The following RETREG2 variants were observed in gnomAD, a reference collection of about 807,000 sequenced individuals.
RETREG2 encodes the protein reticulophagy regulator family member 2, also known as reticulophagy regulator 2.
In RETREG2, 21 loss-of-function variants were observed where a neutral mutation model predicts 51.6. The observed-to-expected ratio is 0.41, with a 90% confidence interval of 0.29 to 0.59. The LOEUF (loss-of-function observed/expected upper bound fraction) is 0.59. RETREG2 is among the 20% of genes least tolerant of loss of function. The pLI is 0.34. For synonymous variants in RETREG2, 339 were observed against 288.6 expected (o/e 1.17, Z -1.77); for missense variants, 674 against 646.0 (o/e 1.04, Z -0.47).
chr2:219,183,128 GCTC>G lies in RETREG2; in HGVS notation c.*505_*507del, dbSNP rs1250842403. 1.8e-5 allele frequency: 3 copies of G among 165,738 alleles called. No homozygotes were observed. The highest frequency in any genetic ancestry group is 1.4e-4 in the South Asian group (1 of 6,920). The allele number at this position is 165,738 out of a possible 1,614,324, so 10.3% of individuals were successfully genotyped here. ...AGCAGCTCAACCCCATCCTTTGCCAGCTCCTCCTATCCCGTGGGCACTGGCCAA... is the reference window on the plus strand; with the variant it reads ...AGCAGCTCAACCCCATCCTTTGCCAGCTCCTATCCCGTGGGCACTGGCCAA... On this transcript the variant is annotated 3_prime_UTR_variant, in exon 9 of 9. Transcript: ENST00000430297.
At chr2:219,180,469 CA>C (rs748081247) in intron 4 of RETREG2, among the ~76,000 whole-genome samples, 200 bp from the exon 5 acceptor site, 9 of 152,210 alleles carry the variant, frequency 5.9e-5, no homozygotes, top group Non-Finnish European at 1.0e-4. Flanking sequence ...CAAGGCAGAC[CA>C]GTGTGAATTA....
In RETREG2 at chr2:219,182,188, C is replaced by T. The variant is rs762582427; in HGVS notation, c.1191C>T (p.Thr397=). 1 of 1,614,040 alleles carries T rather than the reference C, an allele frequency of 6.2e-7. No homozygotes were observed. The highest frequency in any genetic ancestry group is 2.2e-5 in the East Asian group (1 of 44,896). Residue 397 remains threonine, a synonymous_variant, in exon 9 of 9, where the codon ACC becomes ACT. Coordinates refer to ENST00000430297, the MANE Select transcript of RETREG2 (RefSeq NM_024293.6). The part of the protein sequence containing the change: ...EEEEDVAAKE[T]LLRLSSPLHF... ...AAGAGGATGTGGCAGCTAAGGAAACCTTGTTGCGGCTCTCATCCCCCCTCC... is the reference window on the plus strand; with the variant it reads ...AAGAGGATGTGGCAGCTAAGGAAACTTTGTTGCGGCTCTCATCCCCCCTCC...
intron 5 of RETREG2, 23 bp from the exon 6 acceptor site, chr2:219,181,037 CTT>C: frequency 6.2e-7 from 1 of 1,612,394 alleles, no homozygotes; most frequent in South Asian, 1.1e-5. Flanking sequence ...GTAGGGAGCT[CTT>C]AGTTCACGTT....
rs750351015 is a variant in RETREG2 at position 219,180,680 on chromosome 2, G to T, written c.566G>T (p.Arg189Leu). The change falls in exon 5 of 9, where the codon CGA (arginine) becomes CTA (leucine). Residue 189 changes from arginine to leucine, a missense_variant. Physicochemically the swap from Arg to Leu is moderately radical, Grantham distance 102. Transcript: ENST00000430297. ...TGCTCTTCTCTGCAGTTCTGCGTTCGAGTCTGCTCTGGCTGTGCTGTGTTG... is the reference window on the plus strand; with the variant it reads ...TGCTCTTCTCTGCAGTTCTGCGTTCTAGTCTGCTCTGGCTGTGCTGTGTTG... ...KRQNPAQFCV[R>L]VCSGCAVLAV... 1.9e-5 allele frequency: 30 copies of T among 1,613,896 alleles called. No individual in the cohort carries two copies. The South Asian group carries it at 3.0e-4, about 16-fold the overall frequency.
chr2:219,178,726 G>T, intron 1 of RETREG2, 93 bp downstream of exon 1: 1 of 1,347,412 alleles, frequency 7.4e-7, no homozygotes, highest in East Asian at 2.7e-5. Context: ...CACTTGGCCT[G>T]GGGGCATGAC....
chr2:219,178,601 G>C lies in RETREG2; in HGVS notation c.249G>C (p.Leu83=), dbSNP rs1176765714. 6.8e-7 allele frequency: 1 copy of C among 1,468,122 alleles called. No individual in the cohort carries two copies. Among genetic ancestry groups the C allele is most frequent in the Non-Finnish European group, 8.9e-7 (1 of 1,118,522 alleles). The allele number at this position is 1,468,122 out of a possible 1,614,324, so 90.9% of individuals were successfully genotyped here. ...TGTGGGAGAAGCCGCTGCACAGCCT[G>C]GTCACGGCGGCCGCGCTCAACGGCC... ...LLVWEKPLHS[L]VTAAALNGLF... The change falls in exon 1 of 9, where the codon CTG becomes CTC. Residue 83 remains leucine, a synonymous_variant. Coordinates refer to ENST00000430297, the MANE Select transcript of RETREG2 (RefSeq NM_024293.6).
At chr2:219,178,735 A>C (rs1218357874) in intron 1 of RETREG2, 102 bp downstream of exon 1, 2 of 1,311,112 alleles carry the variant, frequency 1.5e-6, no homozygotes, top group Non-Finnish European at 2.0e-6. Flanking sequence ...TGGGGGCATG[A>C]CCCATCCCCA....
At chr2:219,179,122 A>G (rs769712735) in intron 2 of RETREG2, 94 bp downstream of exon 2, 302 of 908,868 alleles carry the variant, frequency 3.3e-4, no homozygotes, top group Non-Finnish European at 5.1e-4. Flanking sequence ...AACGTACAGC[A>G]GGCCACCTGC....
Position 219,182,403 on chromosome 2 carries a change from C to G in RETREG2, c.1406C>G (p.Pro469Arg), listed in dbSNP as rs930239584. 6.2e-7 allele frequency: 1 copy of G among 1,613,998 alleles called. No individual in the cohort carries two copies. The highest frequency in any genetic ancestry group is 2.2e-5 in the East Asian group (1 of 44,884). ...GCCCCCTCCCCTTCCATTCTCCCACCTGTTCCCCAGGACTCACCCCAGCCC... is the reference window on the plus strand; with the variant it reads ...GCCCCCTCCCCTTCCATTCTCCCACGTGTTCCCCAGGACTCACCCCAGCCC... ...DPAPSPSILP[P>R]VPQDSPQPLP... Residue 469 changes from proline (P) to arginine (R), a missense_variant, in exon 9 of 9, where the codon CCT becomes CGT. Transcript: ENST00000430297.
At chr2:219,178,857 C>T in intron 1 of RETREG2, 65 bp from the exon 2 acceptor site, 1 of 1,281,206 alleles carries the variant, frequency 7.8e-7, no homozygotes, top group East Asian at 2.3e-5. Flanking sequence ...GCCTTTCCAC[C>T]TTCTGAGATG....
Position 219,182,998 on chromosome 2 carries a change from T to C in RETREG2, c.*369T>C, listed in dbSNP as rs1950304969. On this transcript the variant is annotated 3_prime_UTR_variant, in exon 9 of 9. Transcript: ENST00000430297. The stretch of plus-strand genomic sequence containing the variant: ...TCCTCCTATCCTCAGGGACCTGTGC[T>C]GCTCTGCCCTCATGTCCCACTTGGT... 1 of 269,144 alleles carries C rather than the reference T, an allele frequency of 3.7e-6. No homozygotes were observed. The highest frequency in any genetic ancestry group is 2.1e-5 in the African/African-American group (1 of 46,600). 16.7% of individuals were successfully genotyped at this position (269,144 alleles called of 1,614,324 possible). A position where few individuals can be genotyped will look rare whatever the true frequency, so the allele number is the denominator to read the frequency against.
In RETREG2 at chr2:219,182,800, GTGCAGTACCTGTGC is replaced by G; in HGVS notation, c.*172_*185del. The G allele has an allele frequency of 1.4e-6, 1 of 699,112 alleles. No homozygotes were observed. Among genetic ancestry groups the G allele is most frequent in the Non-Finnish European group, 2.4e-6 (1 of 424,704 alleles). 43.3% of individuals were successfully genotyped at this position (699,112 alleles called of 1,614,324 possible). A position where few individuals can be genotyped will look rare whatever the true frequency, so the allele number is the denominator to read the frequency against. On this transcript the variant is annotated 3_prime_UTR_variant, in exon 9 of 9. Coordinates refer to ENST00000430297, the MANE Select transcript of RETREG2 (RefSeq NM_024293.6). ...CTGCCTGCCTGCTGTCCTGGGCATG[GTGCAGTACCTGTGC>G]CTAGGATTGGTTTTAAATTTGTAAA...
In RETREG2 at chr2:219,184,824, G is replaced by GTTTTTT. The variant is rs1559224153; in HGVS notation, c.*2195_*2196insTTTTTT. On this transcript the variant is annotated 3_prime_UTR_variant, in exon 9 of 9. Coordinates refer to ENST00000430297, the MANE Select transcript of RETREG2 (RefSeq NM_024293.6). ...TTGTTTTGGTTTTTTGTTTTTTGTGGGTTTTTTTTTTTTTTTTTTTGAGAC... is the reference window on the plus strand; with the variant it reads ...TTGTTTTGGTTTTTTGTTTTTTGTGGTTTTTTGTTTTTTTTTTTTTTTTTTTGAGAC... 3.0e-4 allele frequency: 11 copies of GTTTTTT among 36,422 alleles called. No individual in the cohort carries two copies. The highest frequency in any genetic ancestry group is 6.6e-4 in the Non-Finnish European group (7 of 10,686). 2.3% of individuals were successfully genotyped at this position (36,422 alleles called of 1,614,324 possible).
In RETREG2 at chr2:219,183,902, A is replaced by G. The variant is rs1289691216; in HGVS notation, c.*1273A>G. On this transcript the variant is annotated 3_prime_UTR_variant, in exon 9 of 9. Transcript: ENST00000430297. ...GCCAAACAAGCAATAGAGGACCTTTACCTGTGTTAGAAATGAGTTGGAGCC... is the reference window on the plus strand; with the variant it reads ...GCCAAACAAGCAATAGAGGACCTTTGCCTGTGTTAGAAATGAGTTGGAGCC... 1 of 152,160 alleles carries G rather than the reference A, an allele frequency of 6.6e-6. No homozygotes were observed. Among genetic ancestry groups the G allele is most frequent in the Non-Finnish European group, 1.5e-5 (1 of 68,018 alleles). 9.4% of individuals were successfully genotyped at this position (152,160 alleles called of 1,614,324 possible).
rs1315743859 is a variant in RETREG2 at position 219,179,782 on chromosome 2, T to C, written c.419+19T>C. The C allele has an allele frequency of 1.2e-6, 2 of 1,612,746 alleles. No individual in the cohort carries two copies. Among genetic ancestry groups the C allele is most frequent in the Admixed American group, 3.3e-5 (2 of 60,024 alleles). ...CTGACAGGTGAGTACAGGCCACCTC[T>C]TGAAGACAAATGCCCACATCCTGTC... On this transcript the variant is annotated intron_variant, in intron 3 of 8. Coordinates refer to ENST00000430297, the MANE Select transcript of RETREG2 (RefSeq NM_024293.6).
rs1305855642 is a variant in RETREG2, at chr2:219,179,027, A to C, written c.387A>C (p.Ser129=). The C allele has an allele frequency of 6.2e-7, 1 of 1,604,840 alleles. No homozygotes were observed. Among genetic ancestry groups the C allele is most frequent in the Non-Finnish European group, 8.5e-7 (1 of 1,171,736 alleles). The change falls in exon 2 of 9, where the codon TCA becomes TCC. Residue 129 remains serine, a splice_region_variant and synonymous_variant. Coordinates refer to ENST00000430297, the MANE Select transcript of RETREG2 (RefSeq NM_024293.6). The part of the protein sequence containing the change: ...LWQPRFLPDV[S]ASSPEEPHSD... ...AGCCTCGCTTTCTCCCTGACGTTTC[A>C]GGTGAGTGTTTCTTCATTCAGTAAG...
chr2:219,179,847 G>C, intron 3 of RETREG2, 84 bp downstream of exon 3: 1 of 1,442,012 alleles, frequency 6.9e-7, no homozygotes, highest in East Asian at 2.3e-5. Flanking sequence ...GCAGGGCAGT[G>C]CCCCAGCATT....
intron 1 of RETREG2, 69 bp downstream of exon 1, chr2:219,178,702 C>T (rs1181174020): frequency 3.6e-6 from 5 of 1,398,828 alleles, no homozygotes; most frequent in Non-Finnish European, 4.7e-6. Flanking sequence ...GCACCATTCC[C>T]CTTTCTGGGT....
chr2:219,181,434 G>A lies in RETREG2; in HGVS notation c.850G>A (p.Glu284Lys). Reference sequence around the variant, plus strand: ...ACTGGCAGAGACAGAGAGTGAAAGCGAGGCAGAGCTGGCTGGCTTCTCCCC... The same window carrying A: ...ACTGGCAGAGACAGAGAGTGAAAGCAAGGCAGAGCTGGCTGGCTTCTCCCC... Reference protein sequence around the residue: ...EPLAETESESEAELAGFSPVV... With the variant: ...EPLAETESESKAELAGFSPVV... Residue 284 changes from glutamate to lysine, a missense_variant, in exon 7 of 9, where the codon GAG becomes AAG. Physicochemically the swap from Glu to Lys is moderately conservative, Grantham distance 56. Transcript: ENST00000430297. 1.9e-6 allele frequency: 3 copies of A among 1,614,128 alleles called. No homozygotes were observed. The highest frequency in any genetic ancestry group is 2.5e-6 in the Non-Finnish European group (3 of 1,180,012).
Sources: gnomAD v4.1 joint callset for allele counts (sites outside exome capture counted in the v4.1 genomes callset) on GRCh38, gnomAD v4.1.1 for gene constraint, MANE v1.5 for transcripts, NCBI Gene and HGNC (gene_info 2026-07-23, HGNC 2026-07-21) for gene names.